The following BACH2 variants were observed in gnomAD, a reference collection of about 807,000 sequenced individuals.
BACH2 encodes transcription regulator protein BACH2.
A neutral mutation model predicts 61.8 loss-of-function variants in BACH2; 5 were observed. The ratio of observed to expected loss-of-function variants is 0.08; its 90% CI spans 0.04 to 0.17. BACH2 has a LOEUF of 0.17. Among genes scored for constraint, BACH2 ranks in the 10% least tolerant of loss-of-function variants. BACH2 has a pLI of 1.00. For synonymous variants in BACH2, 446 were observed against 440.1 expected (o/e 1.01, Z -0.17); for missense variants, 824 against 1,091.1 (o/e 0.76, Z 3.45).
At position 89,950,687 on chromosome 6, in the gene BACH2, G is replaced by A; in HGVS notation, c.1419C>T (p.Ser473=). 2 of 1,614,098 alleles carry A rather than the reference G, an allele frequency of 1.2e-6. No individual in the cohort carries two copies. The highest frequency in any genetic ancestry group is 1.7e-6 in the Non-Finnish European group (2 of 1,180,024). ...PKGLWVGAGQ[S]LPSSQAYSHG... Reference sequence around the variant, plus strand: ...GGGAGTAGGCCTGCGAGCTGGGGAGGGACTGGCCGGCTCCCACCCACAGAC... The same window carrying A: ...GGGAGTAGGCCTGCGAGCTGGGGAGAGACTGGCCGGCTCCCACCCACAGAC... The change falls in exon 7 of 9, where the codon TCC becomes TCT. Residue 473 remains serine (S), a synonymous_variant. Transcript: ENST00000257749. The surrounding 1 kb of genome is among the most constrained non-coding windows in gnomAD (Gnocchi z 5.3).
rs1773136397 is a variant in BACH2 at position 89,938,050 on chromosome 6, AC to A, written c.2043+93del. 7.5e-6 allele frequency: 9 copies of A among 1,193,042 alleles called. No homozygotes were observed. The South Asian group carries it at 1.1e-4, about 15-fold the overall frequency. The allele number at this position is 1,193,042 out of a possible 1,614,324, so 73.9% of individuals were successfully genotyped here. ...TAAACCCAAACTTCCGCAAAGGGTG[AC>A]CCTTCTGTCTACTTTTCCAACTTTC... On this transcript the variant is annotated intron_variant, in intron 8 of 8. Coordinates refer to ENST00000257749, the MANE Select transcript of BACH2 (RefSeq NM_021813.4).
chr6:90,129,920 A>T (rs766591078), intron 4 of BACH2, among the ~76,000 whole-genome samples: 2 of 152,022 alleles, frequency 1.3e-5, no homozygotes, highest in Non-Finnish European at 2.9e-5. Context: ...CCCAGTCTGG[A>T]ATGCAGTGGC....
chr6:89,969,589 T>C (rs1031808827), intron 6 of BACH2, among the ~76,000 whole-genome samples: 2 of 152,162 alleles, frequency 1.3e-5, no homozygotes, highest in Non-Finnish European at 2.9e-5. Context: ...TCAAATATTG[T>C]GACCCTGACC....
chr6:90,054,941 G>T (rs534956742), intron 5 of BACH2, among the ~76,000 whole-genome samples: 1 of 152,058 alleles, frequency 6.6e-6, no homozygotes, highest in African/African-American at 2.4e-5. Context: ...ACTAACAAAC[G>T]GAAAGGACAT....
intron 1 of BACH2, among the ~76,000 whole-genome samples, 156 bp downstream of exon 1, chr6:90,296,324 G>A (rs1371363858): frequency 6.6e-6 from 1 of 151,322 alleles, no homozygotes; most frequent in Non-Finnish European, 1.5e-5. Flanking sequence ...AGCGGGCAGG[G>A]CGCGGGGAGG....
At chr6:90,105,074 A>G (rs1782841973) in intron 4 of BACH2, among the ~76,000 whole-genome samples, 1 of 152,218 alleles carries the variant, frequency 6.6e-6, no homozygotes, top group Admixed American at 6.5e-5. Flanking sequence ...CTTTGTCTGG[A>G]GCCCTACAAA....
chr6:89,929,364 C>T lies in BACH2; in HGVS notation c.*3044G>A, dbSNP rs897351151. ...TAGGTTTTAAAATTCCACTTGAGGC[C>T]GTTTGGATTCTGGTCCCCAGCAAGT... On this transcript the variant is annotated 3_prime_UTR_variant, in exon 9 of 9. Coordinates refer to ENST00000257749, the MANE Select transcript of BACH2 (RefSeq NM_021813.4). The T allele has an allele frequency of 3.3e-5, 5 of 152,268 alleles. No homozygotes were observed. Among genetic ancestry groups the T allele is most frequent in the East Asian group, 3.7e-4 (2 of 5,338 alleles). 9.4% of individuals were successfully genotyped at this position (152,268 alleles called of 1,614,324 possible).
chr6:89,938,199 C>T lies in BACH2; in HGVS notation c.1988G>A (p.Cys663Tyr). ...RSKNRIAAQR[C>Y]RKRKLDCIQN... is the part of the protein sequence containing the mutation. ...AATACAGTCCAGTTTCCTTTTGCGG[C>T]AGCGCTGGGCCGCGATGCGGTTCTT... is the stretch of plus-strand genomic sequence containing the variant. Residue 663 changes from cysteine (C) to tyrosine (Y), a missense_variant, in exon 8 of 9, where the codon TGC (cysteine) becomes TAC (tyrosine). Cys to Tyr is a radical substitution (Grantham distance 194). This residue lies in a region of BACH2 where 160 missense variants were observed against 283.5 expected (regional missense o/e 0.56). Coordinates refer to ENST00000257749, the MANE Select transcript of BACH2 (RefSeq NM_021813.4). 1 of 1,614,206 alleles carries T rather than the reference C, an allele frequency of 6.2e-7. No homozygotes were observed. Among genetic ancestry groups the T allele is most frequent in the Non-Finnish European group, 8.5e-7 (1 of 1,180,006 alleles).
In BACH2 at chr6:90,173,106, T is replaced by C. The variant is rs958038285; in HGVS notation, c.-162+33463A>G. ...TGTTAAATTAGTAGAAGAAAAACCA[T>C]GGAACTATATTTAAAAAAAAAAACA... On this transcript the variant is annotated intron_variant, in intron 4 of 8. Coordinates refer to ENST00000257749, the MANE Select transcript of BACH2 (RefSeq NM_021813.4). Among the ~76,000 whole-genome samples, 84 of 149,476 alleles carry C rather than the reference T, an allele frequency of 5.6e-4. 1 individual carries two copies. The highest frequency in any genetic ancestry group is 2.3e-3 in the Admixed American group (34 of 15,050).
chr6:90,177,410 A>G (rs1768017288), intron 4 of BACH2, among the ~76,000 whole-genome samples: 1 of 152,188 alleles, frequency 6.6e-6, no homozygotes, highest in Non-Finnish European at 1.5e-5. Flanking sequence ...AAATGTTATG[A>G]CGTGAGTTCC....
intron 4 of BACH2, among the ~76,000 whole-genome samples, chr6:90,146,245 A>C (rs1042914409): frequency 6.6e-6 from 1 of 152,252 alleles, no homozygotes; most frequent in African/African-American, 2.4e-5. Flanking sequence ...ACTCTATGAC[A>C]TAATGTACTG....
intron 1 of BACH2, among the ~76,000 whole-genome samples, chr6:90,291,758 C>A (rs2127893679): frequency 6.6e-6 from 1 of 152,228 alleles, no homozygotes. Context: ...CAGCAGAGGT[C>A]ATATATTGCT....
rs914961299 is a variant in BACH2 at position 90,239,864 on chromosome 6, A to C, written c.-275+12649T>G. Among the ~76,000 whole-genome samples, 13 of 151,982 alleles carry C rather than the reference A, an allele frequency of 8.6e-5. No individual in the cohort carries two copies. The South Asian group carries it at 2.5e-3, about 29-fold the overall frequency. ...ACACACGCTGACTATTCACATACAG[A>C]AATATATATTTGCTATTAAAAAAAT... On this transcript the variant is annotated intron_variant, in intron 3 of 8. Transcript: ENST00000257749.
In BACH2 at chr6:89,945,080, G is replaced by T. The variant is rs372171890; in HGVS notation, c.1836+5190C>A. Among the ~76,000 whole-genome samples, 7 of 152,190 alleles carry T rather than the reference G, an allele frequency of 4.6e-5. No individual in the cohort carries two copies. The East Asian group carries it at 9.6e-4, about 21-fold the overall frequency. On this transcript the variant is annotated intron_variant, in intron 7 of 8. Transcript: ENST00000257749. ...CTTGATACACTGCTGGTGGGAATTT[G>T]AAATGGTATAGCCACTTTGGAAACA...
At chr6:89,942,724 C>G (rs1026196127) in intron 7 of BACH2, among the ~76,000 whole-genome samples, 6 of 152,194 alleles carry the variant, frequency 3.9e-5, no homozygotes, top group Admixed American at 3.9e-4. Context: ...CACTTTGGTT[C>G]TCAGTGGAGA....
intron 4 of BACH2, among the ~76,000 whole-genome samples, chr6:90,193,769 T>C (rs1385738042): frequency 6.6e-6 from 1 of 152,220 alleles, no homozygotes; most frequent in Admixed American, 6.5e-5. Context: ...CAGCTGTCAT[T>C]ACCTACTATA....
intron 6 of BACH2, among the ~76,000 whole-genome samples, chr6:89,998,705 A>G (rs1489842113): frequency 2.7e-5 from 4 of 150,656 alleles, no homozygotes; most frequent in Admixed American, 2.6e-4. Context: ...TTTTTTTTTA[A>G]CTGACCACCA....
chr6:90,146,654 G>T (rs1264481127), intron 4 of BACH2, among the ~76,000 whole-genome samples: 3 of 152,146 alleles, frequency 2.0e-5, no homozygotes, highest in Non-Finnish European at 4.4e-5. Flanking sequence ...AAATTAGTAG[G>T]TGAATTGTTT....
chr6:90,247,438 A>G (rs919524282), intron 3 of BACH2, among the ~76,000 whole-genome samples: 2 of 151,264 alleles, frequency 1.3e-5, no homozygotes, highest in African/African-American at 4.9e-5. Context: ...TATGTTGCCC[A>G]GGCTGGTCTT....
Sources: allele counts gnomAD v4.1 joint callset (sites outside exome capture counted in the v4.1 genomes callset), GRCh38; gene constraint gnomAD v4.1.1; regional missense constraint gnomAD v4.1.1; non-coding constraint Gnocchi (gnomAD v3.1); transcripts MANE v1.5; gene names NCBI Gene and HGNC (gene_info 2026-07-23, HGNC 2026-07-21).